The following OR7E24 variants were observed in gnomAD, a reference collection of about 807,000 sequenced individuals.
OR7E24 encodes the protein olfactory receptor 7E24.
For missense variants in OR7E24, 385 were observed against 410.3 expected, an observed-to-expected ratio of 0.94 and a Z score of 0.53; for synonymous variants, 130 against 157.5, an observed-to-expected ratio of 0.83 and a Z score of 1.31.
At chr19:9,213,726 A>G in the OR7E24 span, 2 of 603,844 alleles carry the variant, frequency 3.3e-6, no homozygotes, top group South Asian at 4.0e-5. Flanking sequence ...CGACAGAGCC[A>G]GACTCTGTCT....
chr19:9,229,260 T>A, the OR7E24 span, among the ~76,000 whole-genome samples: 1 of 152,190 alleles, frequency 6.6e-6, no homozygotes, highest in South Asian at 2.1e-4. Flanking sequence ...CCAGGGATGG[T>A]GGCTCATGCC....
At chr19:9,221,075 C>A in the OR7E24 span, among the ~76,000 whole-genome samples, 1 of 151,718 alleles carries the variant, frequency 6.6e-6, no homozygotes. Flanking sequence ...GCGATCGAGA[C>A]CATCCTGGCT....
chr19:9,242,839 T>G (rs1454207791), upstream of OR7E24, among the ~76,000 whole-genome samples: 1 of 152,052 alleles, frequency 6.6e-6, no homozygotes, highest in East Asian at 1.9e-4. Flanking sequence ...CTTTTTTACT[T>G]TCTTCCTTTC....
the OR7E24 span, among the ~76,000 whole-genome samples, chr19:9,232,864 C>G: frequency 6.6e-6 from 1 of 152,098 alleles, no homozygotes; most frequent in Non-Finnish European, 1.5e-5. Context: ...ACCATGTACA[C>G]CTCTGGAAAG....
chr19:9,236,832 T>A, the OR7E24 span, among the ~76,000 whole-genome samples: 1 of 152,178 alleles, frequency 6.6e-6, no homozygotes, highest in Non-Finnish European at 1.5e-5. Flanking sequence ...TTGCTCGTTA[T>A]CCCTGGAAGA....
the OR7E24 span, among the ~76,000 whole-genome samples, chr19:9,234,897 A>C: frequency 6.6e-6 from 1 of 152,206 alleles, no homozygotes; most frequent in Non-Finnish European, 1.5e-5. Flanking sequence ...CCTATCAAAG[A>C]AGAAATTACT....
chr19:9,221,340 C>CCTTTT, the OR7E24 span, among the ~76,000 whole-genome samples: 2 of 81,200 alleles, frequency 2.5e-5, no homozygotes, highest in African/African-American at 7.4e-5. Flanking sequence ...GTCTTTTGCC[C>CCTTTT]TTTTTTTTTT....
the OR7E24 span, among the ~76,000 whole-genome samples, chr19:9,225,924 A>C: frequency 6.6e-6 from 1 of 152,208 alleles, no homozygotes; most frequent in African/African-American, 2.4e-5. Flanking sequence ...CTGTAGGAGC[A>C]TAACTGACCC....
At chr19:9,223,668 C>G in the OR7E24 span, among the ~76,000 whole-genome samples, 1 of 151,190 alleles carries the variant, frequency 6.6e-6, no homozygotes, top group Admixed American at 6.6e-5. Context: ...AGCCATGGCT[C>G]ATTTTTTATT....
In OR7E24 at chr19:9,251,068, T is replaced by A. The variant is rs780403749; in HGVS notation, c.25T>A (p.Phe9Ile). MSYFPILF[F>I]FFLKRCPSYT... Reference sequence around the variant, plus strand: ...TATGTCCTATTTTCCAATTCTCTTTTTTTTTTTCCTCAAAAGGTGTCCGAG... The same window carrying A: ...TATGTCCTATTTTCCAATTCTCTTTATTTTTTTCCTCAAAAGGTGTCCGAG... The change falls in exon 1 of 1, where the codon TTT becomes ATT. Residue 9 changes from phenylalanine to isoleucine, a missense_variant. Phe to Ile is a conservative substitution (Grantham distance 21). Transcript: ENST00000456448. The A allele has an allele frequency of 6.3e-7, 1 of 1,596,198 alleles. No individual in the cohort carries two copies. Among genetic ancestry groups the A allele is most frequent in the Non-Finnish European group, 8.5e-7 (1 of 1,171,474 alleles).
chr19:9,242,266 T>C, the OR7E24 span, among the ~76,000 whole-genome samples: 85 of 152,344 alleles, frequency 5.6e-4, 1 homozygote, highest in East Asian at 9.4e-3. Context: ...TTGTTTTGTT[T>C]TGAGACACAG....
chr19:9,234,051 G>A, the OR7E24 span, among the ~76,000 whole-genome samples: 7 of 151,906 alleles, frequency 4.6e-5, no homozygotes, highest in African/African-American at 1.2e-4. Flanking sequence ...CTACAGGTGC[G>A]CACCACCACG....
chr19:9,234,700 A>C, the OR7E24 span, among the ~76,000 whole-genome samples: 1 of 152,210 alleles, frequency 6.6e-6, no homozygotes, highest in Non-Finnish European at 1.5e-5. Context: ...AAATGAGTAA[A>C]ACATGAGGTA....
At chr19:9,245,380 A>C (rs546023459), upstream of OR7E24, among the ~76,000 whole-genome samples, 1 of 152,318 alleles carries the variant, frequency 6.6e-6, no homozygotes, top group African/African-American at 2.4e-5. Flanking sequence ...GGCTATTAAG[A>C]ACAAACAAGC....
At chr19:9,213,133 C>A in the OR7E24 span, 1 of 152,146 alleles carries the variant, frequency 6.6e-6, no homozygotes, top group African/African-American at 2.4e-5. Flanking sequence ...ACATTTTATA[C>A]GACTAATCTA....
the OR7E24 span, among the ~76,000 whole-genome samples, chr19:9,228,413 T>C: frequency 6.6e-6 from 1 of 152,182 alleles, no homozygotes; most frequent in Non-Finnish European, 1.5e-5. Flanking sequence ...AAAACATTTT[T>C]CAAAATACTC....
the OR7E24 span, among the ~76,000 whole-genome samples, chr19:9,237,373 C>T: frequency 6.6e-6 from 1 of 152,002 alleles, no homozygotes; most frequent in Non-Finnish European, 1.5e-5. Flanking sequence ...TGCAGTGGCA[C>T]GATCTCGGCT....
upstream of OR7E24, among the ~76,000 whole-genome samples, chr19:9,246,005 ATT>A (rs1491131160): frequency 3.1e-5 from 4 of 129,000 alleles, no homozygotes; most frequent in African/African-American, 8.9e-5. Context: ...GTATATATAT[ATT>A]TTTTTTTCGC....
the OR7E24 span, among the ~76,000 whole-genome samples, chr19:9,220,803 G>C: frequency 6.6e-6 from 1 of 152,030 alleles, no homozygotes; most frequent in Admixed American, 6.6e-5. Flanking sequence ...TTCCATAATG[G>C]TTGTACTAAT....
Sources: gnomAD v4.1 joint callset for allele counts (sites outside exome capture counted in the v4.1 genomes callset) on GRCh38, gnomAD v4.1.1 for gene constraint, MANE v1.5 for transcripts, NCBI Gene and HGNC (gene_info 2026-07-23, HGNC 2026-07-21) for gene names.